RNF144B: variants seen among roughly 807,000 people sequenced by gnomAD.
RNF144B encodes the protein E3 ubiquitin-protein ligase RNF144B.
A neutral mutation model predicts 40.2 loss-of-function variants in RNF144B; 25 were observed. The ratio of observed to expected loss-of-function variants is 0.62; its 90% CI spans 0.45 to 0.87. RNF144B has a LOEUF of 0.87. Among genes scored for constraint, RNF144B ranks in the 40% least tolerant of loss-of-function variants. The pLI, the probability that RNF144B is intolerant of heterozygous loss-of-function variation, is 0.00. For synonymous variants in RNF144B, 145 were observed against 136.3 expected, an observed-to-expected ratio of 1.06 and a Z score of -0.44; for missense variants, 365 against 373.7, an observed-to-expected ratio of 0.98 and a Z score of 0.19.
rs578094491 is a variant in RNF144B, at chr6:18,446,291, C to G, written c.331+6547C>G. The stretch of plus-strand genomic sequence containing the variant: ...ATACATTTCCTTAAAAAACCCAGCT[C>G]TTTTACCTTCCATTGGCTTTTCCTT... On this transcript the variant is annotated intron_variant, in intron 4 of 7. Coordinates refer to ENST00000259939, the MANE Select transcript of RNF144B (RefSeq NM_182757.4). This position sits in a 1 kb window ranked among gnomAD's most constrained non-coding sequence, Gnocchi z 4.7. Among the ~76,000 whole-genome samples, 177 of 152,306 alleles carry G rather than the reference C, an allele frequency of 1.2e-3. No individual in the cohort carries two copies. The highest frequency in any genetic ancestry group is 2.0e-3 in the Non-Finnish European group (133 of 68,022).
intron 1 of RNF144B, among the ~76,000 whole-genome samples, chr6:18,389,755 G>C (rs958214109): frequency 6.6e-5 from 10 of 152,152 alleles, no homozygotes; most frequent in African/African-American, 2.4e-4. Flanking sequence ...GTGGGAAAAG[G>C]GCCAAGCTGC....
chr6:18,401,705 G>A (rs571222187), intron 2 of RNF144B, among the ~76,000 whole-genome samples: 42 of 152,226 alleles, frequency 2.8e-4, no homozygotes, highest in African/African-American at 9.9e-4. Context: ...AGTATCAAAT[G>A]TTTTGTATTT....
rs1264963255 is a variant in RNF144B at position 18,460,238 on chromosome 6, G to A, written c.681+487G>A. On this transcript the variant is annotated intron_variant, in intron 6 of 7. Coordinates refer to ENST00000259939, the MANE Select transcript of RNF144B (RefSeq NM_182757.4). The surrounding 1 kb of genome is among the most constrained non-coding windows in gnomAD (Gnocchi z 4.4). ...CCTTGGAGGCTGTCCGCTTTCCTTGGCTTGTGGCCTCTTCCTCCATCTTCA... is the reference window on the plus strand; with the variant it reads ...CCTTGGAGGCTGTCCGCTTTCCTTGACTTGTGGCCTCTTCCTCCATCTTCA... 2.0e-5 allele frequency among the ~76,000 whole-genome samples: 3 copies of A among 152,268 alleles called. No homozygotes were observed. The highest frequency in any genetic ancestry group is 7.2e-5 in the African/African-American group (3 of 41,560).
rs1022205405 is a variant in RNF144B at position 18,425,026 on chromosome 6, A to G, written c.166-2555A>G. ...GCAAATTCATGAAGGGCTTCCATATATAAATTTCACGTGTATGTGTGTATG... is the reference window on the plus strand; with the variant it reads ...GCAAATTCATGAAGGGCTTCCATATGTAAATTTCACGTGTATGTGTGTATG... On this transcript the variant is annotated intron_variant, in intron 2 of 7. Coordinates refer to ENST00000259939, the MANE Select transcript of RNF144B (RefSeq NM_182757.4). The surrounding 1 kb of genome is among the most constrained non-coding windows in gnomAD (Gnocchi z 4.2). Among the ~76,000 whole-genome samples the G allele has an allele frequency of 6.6e-6, 1 of 151,924 alleles. No homozygotes were observed. Among genetic ancestry groups the G allele is most frequent in the East Asian group, 1.9e-4 (1 of 5,164 alleles).
At chr6:18,417,582 A>G (rs879825689) in intron 2 of RNF144B, among the ~76,000 whole-genome samples, 2 of 152,144 alleles carry the variant, frequency 1.3e-5, no homozygotes, top group African/African-American at 2.4e-5. Context: ...CATTAACAAA[A>G]ATGGACCATA....
intron 3 of RNF144B, among the ~76,000 whole-genome samples, chr6:18,429,947 G>T (rs1266022263): frequency 6.6e-6 from 1 of 152,208 alleles, no homozygotes; most frequent in Non-Finnish European, 1.5e-5. Flanking sequence ...TAACGAGTCA[G>T]ATAATTATAA....
intron 1 of RNF144B, chr6:18,396,359 A>G (rs1794693925): frequency 9.6e-6 from 9 of 941,078 alleles, no homozygotes; most frequent in Non-Finnish European, 1.1e-5. Context: ...TATCCCAATT[A>G]TGTCTTTGTT....
chr6:18,451,700 TAAG>T (rs1759212531), intron 4 of RNF144B, among the ~76,000 whole-genome samples: 1 of 152,206 alleles, frequency 6.6e-6, no homozygotes, highest in Non-Finnish European at 1.5e-5. Context: ...TTCAGATACT[TAAG>T]AAGGATTTGA....
At chr6:18,409,479 A>C (rs2113474430) in intron 2 of RNF144B, among the ~76,000 whole-genome samples, 1 of 148,908 alleles carries the variant, frequency 6.7e-6, no homozygotes, top group Admixed American at 6.7e-5. Flanking sequence ...TGCCATAGGT[A>C]TATTAAGAAA....
At chr6:18,461,405 A>G (rs1053321839) in intron 6 of RNF144B, among the ~76,000 whole-genome samples, 1 of 151,600 alleles carries the variant, frequency 6.6e-6, no homozygotes, top group Admixed American at 6.6e-5. Flanking sequence ...ATGAAAAACA[A>G]TTTTTTTTTG....
At chr6:18,397,462 C>A (rs1794716309) in intron 1 of RNF144B, among the ~76,000 whole-genome samples, 1 of 152,024 alleles carries the variant, frequency 6.6e-6, no homozygotes, top group African/African-American at 2.4e-5. Flanking sequence ...TTTTGTTTAA[C>A]CAGAACATGA....
chr6:18,431,237 AAAAAT>A (rs1758689709), intron 3 of RNF144B, among the ~76,000 whole-genome samples: 1 of 148,780 alleles, frequency 6.7e-6, no homozygotes, highest in African/African-American at 2.4e-5. Context: ...AAAAAAAATA[AAAAAT>A]AAAAAAAAAA....
chr6:18,423,436 A>G (rs543156), intron 2 of RNF144B, among the ~76,000 whole-genome samples: 27,290 of 152,182 alleles, frequency 0.18, 2,706 homozygotes, highest in East Asian at 0.25. Context: ...AAAAATATAC[A>G]TATATTCCCT....
At chr6:18,435,594 C>T (rs1758798391) in intron 3 of RNF144B, among the ~76,000 whole-genome samples, 1 of 152,116 alleles carries the variant, frequency 6.6e-6, no homozygotes. Flanking sequence ...TGCGTAGTTT[C>T]AGAATATCTC....
At position 18,399,601 on chromosome 6, in the gene RNF144B, G is replaced by T; in HGVS notation, c.67G>T (p.Ala23Ser). ...TGAAAATCCCACTCCTGGAGACCTG[G>T]CTCCGGCCCCCCTCATCACTTGCAA... is the stretch of plus-strand genomic sequence containing the variant. ...TAENPTPGDLAPAPLITCKLC... is the reference protein window; with the variant it reads ...TAENPTPGDLSPAPLITCKLC... Residue 23 changes from alanine (A) to serine (S), a missense_variant, in exon 2 of 8, where the codon GCT (alanine) becomes TCT (serine). Coordinates refer to ENST00000259939, the MANE Select transcript of RNF144B (RefSeq NM_182757.4). The T allele has an allele frequency of 6.2e-7, 1 of 1,614,086 alleles. No homozygotes were observed. Among genetic ancestry groups the T allele is most frequent in the South Asian group, 1.1e-5 (1 of 91,086 alleles).
intron 2 of RNF144B, among the ~76,000 whole-genome samples, chr6:18,424,055 A>C (rs1426932521): frequency 6.6e-6 from 1 of 152,176 alleles, no homozygotes; most frequent in Non-Finnish European, 1.5e-5. Context: ...TTGCATTGCT[A>C]TAATTTGTTT....
rs1449848101 is a variant in RNF144B, at chr6:18,419,768, G to A, written c.166-7813G>A. 6.6e-6 allele frequency among the ~76,000 whole-genome samples: 1 copy of A among 152,154 alleles called. No homozygotes were observed. The highest frequency in any genetic ancestry group is 1.5e-5 in the Non-Finnish European group (1 of 68,020). On this transcript the variant is annotated intron_variant, in intron 2 of 7. Transcript: ENST00000259939. This position sits in a 1 kb window ranked among gnomAD's most constrained non-coding sequence, Gnocchi z 4.6. Reference sequence around the variant, plus strand: ...TCTTTCAAACATTTGATTGTGAAGAGTTGAGGAGTGAAGAAGGCAGTATAC... The same window carrying A: ...TCTTTCAAACATTTGATTGTGAAGAATTGAGGAGTGAAGAAGGCAGTATAC...
rs1395897212 is a variant in RNF144B, at chr6:18,443,967, G to T, written c.331+4223G>T. ...AATTGTAGAGATTGCTGCTGCTCTG[G>T]AAAAACGTAGAATCAGAGTAGATGC... On this transcript the variant is annotated intron_variant, in intron 4 of 7. Transcript: ENST00000259939. The surrounding 1 kb of genome is among the most constrained non-coding windows in gnomAD (Gnocchi z 4.7). Among the ~76,000 whole-genome samples, 3 of 152,098 alleles carry T rather than the reference G, an allele frequency of 2.0e-5. No homozygotes were observed. The highest frequency in any genetic ancestry group is 7.2e-5 in the African/African-American group (3 of 41,418).
intron 2 of RNF144B, among the ~76,000 whole-genome samples, chr6:18,415,676 T>G (rs941240768): frequency 6.6e-6 from 1 of 152,196 alleles, no homozygotes; most frequent in African/African-American, 2.4e-5. Context: ...TAGCCTGCTG[T>G]CCTTTGCATG....
Sources: gnomAD v4.1 joint callset for allele counts (sites outside exome capture counted in the v4.1 genomes callset) on GRCh38, gnomAD v4.1.1 for gene constraint, Gnocchi (gnomAD v3.1) non-coding constraint, MANE v1.5 for transcripts, NCBI Gene and HGNC (gene_info 2026-07-23, HGNC 2026-07-21) for gene names.